The following PSMD5 variants were observed in gnomAD, a reference collection of about 807,000 sequenced individuals.
PSMD5 encodes the protein proteasome 26S subunit, non-ATPase 5.
PSMD5 carries 40 observed loss-of-function variants against 52.1 expected under a neutral mutation model. The observed-to-expected ratio is 0.77, with a 90% CI of 0.60 to 1.00. PSMD5 has a LOEUF of 1.00. Ranked by LOEUF, PSMD5 falls within the 50% of genes least tolerant of loss-of-function variation. PSMD5 has a pLI of 0.00. For synonymous variants in PSMD5, 211 were observed against 226.6 expected (o/e 0.93, Z 0.62); for missense variants, 575 against 605.2 (o/e 0.95, Z 0.52).
At chr9:120,839,831 C>CT (rs1400253222) in intron 1 of PSMD5, among the ~76,000 whole-genome samples, 3 of 97,340 alleles carry the variant, frequency 3.1e-5, no homozygotes, top group African/African-American at 1.2e-4. Context: ...TAGACAGAGT[C>CT]TTGGCTGGGC....
chr9:120,834,564 A>G (rs1320732627), intron 1 of PSMD5, among the ~76,000 whole-genome samples: 3 of 152,210 alleles, frequency 2.0e-5, no homozygotes, highest in Admixed American at 2.0e-4. Context: ...AGGAACAAGT[A>G]GTTTGGTATG....
intron 4 of PSMD5, among the ~76,000 whole-genome samples, chr9:120,829,738 A>C (rs2045147241): frequency 6.6e-6 from 1 of 152,142 alleles, no homozygotes; most frequent in South Asian, 2.1e-4. Flanking sequence ...GTGTATCAGC[A>C]CTTTCCCGCC....
chr9:120,821,412 G>C lies in PSMD5; in HGVS notation c.1059C>G (p.Ala353=). The C allele has an allele frequency of 1.2e-6, 2 of 1,609,056 alleles. No individual in the cohort carries two copies. The highest frequency in any genetic ancestry group is 1.3e-5 in the African/African-American group (1 of 74,800). The change falls in exon 8 of 10, where the codon GCC becomes GCG. Residue 353 remains alanine, a synonymous_variant. Transcript: ENST00000210313. ...AACATCTAATTTTTAGCTCCACTGG[G>C]GCATTCTTTGATTGATGTCCTATTC... is the stretch of plus-strand genomic sequence containing the variant. ...LMRIGHQSKN[A]PVELKIRCLD... is the part of the protein sequence containing the mutation.
Position 120,824,532 on chromosome 9 carries a change from C to T in PSMD5, c.968G>A (p.Gly323Glu). 1 of 1,614,110 alleles carries T rather than the reference C, an allele frequency of 6.2e-7. No homozygotes were observed. The highest frequency in any genetic ancestry group is 8.5e-7 in the Non-Finnish European group (1 of 1,180,018). ...AACCTGTTTTCCTTCAACATTGGATCCCAAGATTCCAACTGTGTCTACAGC... is the reference window on the plus strand; with the variant it reads ...AACCTGTTTTCCTTCAACATTGGATTCCAAGATTCCAACTGTGTCTACAGC... ...GVAVDTVGIL[G>E]SNVEGKQVLQ... Residue 323 changes from glycine (G) to glutamate (E), a missense_variant, in exon 7 of 10, where the codon GGA becomes GAA. Transcript: ENST00000210313.
intron 5 of PSMD5, 112 bp from the exon 6 acceptor site, chr9:120,827,019 T>A: frequency 8.8e-7 from 1 of 1,137,800 alleles, no homozygotes; most frequent in Non-Finnish European, 1.2e-6. Flanking sequence ...ATTCGAAAGG[T>A]CAATAATCTT....
chr9:120,820,313 A>C (rs2045074562), intron 9 of PSMD5, among the ~76,000 whole-genome samples: 2 of 152,250 alleles, frequency 1.3e-5, no homozygotes, highest in African/African-American at 2.4e-5. Context: ...TATTTGCTGA[A>C]TAAATAAATG....
rs138115824 is a variant in PSMD5 at position 120,833,452 on chromosome 9, T to C, written c.178A>G (p.Lys60Glu). The change falls in exon 2 of 10, where the codon AAG (lysine) becomes GAG (glutamate). Residue 60 changes from lysine (K) to glutamate (E), a missense_variant. By Grantham distance (56) the Lys-to-Glu change is moderately conservative. Coordinates refer to ENST00000210313, the MANE Select transcript of PSMD5 (RefSeq NM_005047.4). Reference protein sequence around the residue: ...FSLLNENHREKTTLCVSILER... With the variant: ...FSLLNENHREETTLCVSILER... The stretch of plus-strand genomic sequence containing the variant: ...AGAATGGATACACACAAAGTAGTCT[T>C]TTCCCTGAAGGAGACATCATAAATC... 5 of 1,612,714 alleles carry C rather than the reference T, an allele frequency of 3.1e-6. No individual in the cohort carries two copies. In the African/African-American group the frequency reaches 6.7e-5, roughly 22 times the overall value.
chr9:120,841,897 C>CCAA (rs2045241133), intron 1 of PSMD5: 1 of 152,154 alleles, frequency 6.6e-6, no homozygotes, highest in South Asian at 2.1e-4. Flanking sequence ...GCAGGCTTGA[C>CCAA]CATAAACCAG....
chr9:120,826,827 T>C lies in PSMD5; in HGVS notation c.752A>G (p.Asp251Gly), dbSNP rs752331567. 13 of 1,613,554 alleles carry C rather than the reference T, an allele frequency of 8.1e-6. No individual in the cohort carries two copies. The East Asian group carries it at 2.7e-4, about 33-fold the overall frequency. ...CCCAACAATTATATTAGAAATTTGG[T>C]CAATTACTCCTTCTTGAGCAAGATA... ...RQYLAQEGVI[D>G]QISNIIVGAD... The change falls in exon 6 of 10, where the codon GAC becomes GGC. Residue 251 changes from aspartate (D) to glycine (G), a missense_variant. Physicochemically the swap from Asp to Gly is moderately conservative, Grantham distance 94 (BLOSUM62 -1). Coordinates refer to ENST00000210313, the MANE Select transcript of PSMD5 (RefSeq NM_005047.4).
chr9:120,821,101 C>CT, intron 8 of PSMD5, 122 bp from the exon 9 acceptor site: 1 of 1,195,712 alleles, frequency 8.4e-7, no homozygotes, highest in East Asian at 2.5e-5. Flanking sequence ...GTGAAACTGG[C>CT]TAAGTCTGGA....
intron 6 of PSMD5, chr9:120,824,892 T>C: frequency 2.2e-6 from 1 of 448,848 alleles, no homozygotes; most frequent in Non-Finnish European, 3.9e-6. Flanking sequence ...TCAATGGAGC[T>C]GGGACCAGCT....
chr9:120,828,116 C>A (rs535772319), intron 5 of PSMD5, among the ~76,000 whole-genome samples: 13 of 152,162 alleles, frequency 8.5e-5, no homozygotes, highest in African/African-American at 3.1e-4. Context: ...CTTGTCTCAG[C>A]CTTCCCAGTA....
Position 120,833,400 on chromosome 9 carries a change from G to A in PSMD5, c.230C>T (p.Pro77Leu), listed in dbSNP as rs749755749. Reference sequence around the variant, plus strand: ...CCTGAGGTTCCGGGCCACGTGAACCGGTTCCATAGCTTGGAGCAATCTCTC... The same window carrying A: ...CCTGAGGTTCCGGGCCACGTGAACCAGTTCCATAGCTTGGAGCAATCTCTC... ...ILERLLQAME[P>L]VHVARNLRVD... The change falls in exon 2 of 10, where the codon CCG becomes CTG. Residue 77 changes from proline to leucine, a missense_variant. Physicochemically the swap from Pro to Leu is moderately conservative, Grantham distance 98 (BLOSUM62 -3). Coordinates refer to ENST00000210313, the MANE Select transcript of PSMD5 (RefSeq NM_005047.4). 1.9e-5 allele frequency: 31 copies of A among 1,613,774 alleles called. No individual in the cohort carries two copies. Among genetic ancestry groups the A allele is most frequent in the African/African-American group, 2.7e-5 (2 of 74,880 alleles).
intron 5 of PSMD5, among the ~76,000 whole-genome samples, chr9:120,827,317 A>G (rs989871726): frequency 3.3e-5 from 5 of 152,152 alleles, no homozygotes; most frequent in African/African-American, 1.2e-4. Flanking sequence ...TCTTTTCCCT[A>G]CTTTTTGCTG....
chr9:120,835,648 G>A (rs2045192802), intron 1 of PSMD5, among the ~76,000 whole-genome samples: 1 of 151,916 alleles, frequency 6.6e-6, no homozygotes, highest in Non-Finnish European at 1.5e-5. Context: ...AGAATCGCTT[G>A]AACCCAGGAG....
At position 120,817,834 on chromosome 9, in the gene PSMD5, T is replaced by C; in HGVS notation, c.*72A>G. On this transcript the variant is annotated 3_prime_UTR_variant, in exon 10 of 10. Coordinates refer to ENST00000210313, the MANE Select transcript of PSMD5 (RefSeq NM_005047.4). Reference sequence around the variant, plus strand: ...GGGAAAGGAAGTCTCTTTTGTGAAATATAGATGGAGTCAAATGCCTTAGGA... The same window carrying C: ...GGGAAAGGAAGTCTCTTTTGTGAAACATAGATGGAGTCAAATGCCTTAGGA... 2 of 1,457,828 alleles carry C rather than the reference T, an allele frequency of 1.4e-6. No homozygotes were observed. Among genetic ancestry groups the C allele is most frequent in the Non-Finnish European group, 1.9e-6 (2 of 1,075,034 alleles). 90.3% of individuals were successfully genotyped at this position (1,457,828 alleles called of 1,614,324 possible).
At chr9:120,841,260 C>T (rs1050206085) in intron 1 of PSMD5, among the ~76,000 whole-genome samples, 1 of 152,102 alleles carries the variant, frequency 6.6e-6, no homozygotes, top group Admixed American at 6.6e-5. Context: ...GATTGATATA[C>T]CCTGCGATTT....
At chr9:120,821,526 A>AC (rs756198637) in intron 7 of PSMD5, 62 bp from the exon 8 acceptor site, 33 of 1,167,408 alleles carry the variant, frequency 2.8e-5, no homozygotes, top group Non-Finnish European at 4.0e-5. Flanking sequence ...CATAAAATTT[A>AC]CCATTTTAAC....
intron 1 of PSMD5, 80 bp from the exon 2 acceptor site, chr9:120,833,536 C>T (rs543284966): frequency 3.2e-5 from 45 of 1,422,270 alleles, no homozygotes; most frequent in South Asian, 4.0e-5. Context: ...CTGAAGCTTG[C>T]GTCAGCGTCT....
Sources: allele counts gnomAD v4.1 joint callset (sites outside exome capture counted in the v4.1 genomes callset), GRCh38; gene constraint gnomAD v4.1.1; transcripts MANE v1.5; gene names NCBI Gene and HGNC (gene_info 2026-07-23, HGNC 2026-07-21).